ZNF343: variants seen among roughly 807,000 people sequenced by gnomAD.
ZNF343 encodes zinc finger protein 343.
In ZNF343, 11 loss-of-function variants were observed where a neutral mutation model predicts 13.8. The observed-to-expected ratio is 0.80, with a 90% CI of 0.50 to 1.32. The LOEUF (loss-of-function observed/expected upper bound fraction) is 1.32. ZNF343 is among the 40% of genes most tolerant of loss of function. ZNF343 has a pLI of 0.00. For missense variants in ZNF343, 658 were observed against 714.2 expected (o/e 0.92, Z 0.90); for synonymous variants, 248 against 260.0 (o/e 0.95, Z 0.44).
chr20:2,484,806 C>T, intron 5 of ZNF343, 150 bp from the exon 6 acceptor site: 1 of 681,594 alleles, frequency 1.5e-6, no homozygotes, highest in Non-Finnish European at 2.3e-6. Flanking sequence ...GATTCCTTTA[C>T]ATTCCATCAC....
At chr20:2,504,126 G>A (rs1343628867) in intron 1 of ZNF343, among the ~76,000 whole-genome samples, 1 of 152,064 alleles carries the variant, frequency 6.6e-6, no homozygotes, top group Non-Finnish European at 1.5e-5. Context: ...TGATAAAGGG[G>A]ATATCACCAC....
At chr20:2,499,464 CAAAAAAAAAAAAAA>C (rs35155995) in intron 2 of ZNF343, among the ~76,000 whole-genome samples, 2 of 66,538 alleles carry the variant, frequency 3.0e-5, no homozygotes, top group Admixed American at 2.2e-4. Context: ...GACTCCGTCT[CAAAAAAAAAAAAAA>C]AAAAAAAAAA....
At chr20:2,511,083 G>A (rs1232028678), upstream of ZNF343, among the ~76,000 whole-genome samples, 1 of 151,908 alleles carries the variant, frequency 6.6e-6, no homozygotes, top group Non-Finnish European at 1.5e-5. Flanking sequence ...TTTTAAGACT[G>A]GGGGAATCCA....
At position 2,482,271 on chromosome 20, in the gene ZNF343, T is replaced by C. The variant is rs1196764615; in HGVS notation, c.*890A>G. On this transcript the variant is annotated 3_prime_UTR_variant, in exon 6 of 6. Coordinates refer to ENST00000278772, the MANE Select transcript of ZNF343 (RefSeq NM_024325.6). ...CTGGGGCTTACTGCGGGGTGACTCA[T>C]GGCTGAAGCCTTATCTACACTCCTT... 6.6e-6 allele frequency: 1 copy of C among 151,188 alleles called. No homozygotes were observed. The highest frequency in any genetic ancestry group is 2.4e-5 in the African/African-American group (1 of 41,018). 9.4% of individuals were successfully genotyped at this position (151,188 alleles called of 1,614,324 possible).
upstream of ZNF343, among the ~76,000 whole-genome samples, chr20:2,510,826 C>A (rs1301454055): frequency 1.3e-5 from 2 of 152,194 alleles, no homozygotes; most frequent in Admixed American, 6.5e-5. Context: ...ATCTCCCTGA[C>A]TGACCAAAAT....
At position 2,483,849 on chromosome 20, in the gene ZNF343, T is replaced by G. The variant is rs768731063; in HGVS notation, c.1112A>C (p.His371Pro). ...GFSEKSSFIR[H>P]QRTHSGEKPY... ...TTTCTCACCGGAGTGTGTCCTCTGG[T>G]GTCTGATGAAGGATGACTTCTCGCT... The change falls in exon 6 of 6, where the codon CAC becomes CCC. Residue 371 changes from histidine to proline, a missense_variant. By Grantham distance (77) the His-to-Pro change is moderately conservative (BLOSUM62 -2). Transcript: ENST00000278772. 1 of 1,614,108 alleles carries G rather than the reference T, an allele frequency of 6.2e-7. No individual in the cohort carries two copies.
At chr20:2,494,336 C>G (rs564992033) in intron 2 of ZNF343, among the ~76,000 whole-genome samples, 254 of 152,200 alleles carry the variant, frequency 1.7e-3, no homozygotes, top group Non-Finnish European at 3.1e-3. Flanking sequence ...TACCTGAAGC[C>G]TGAGTCAGAG....
chr20:2,484,682 A>C (rs779701191), intron 5 of ZNF343, 26 bp from the exon 6 acceptor site: 2 of 1,555,050 alleles, frequency 1.3e-6, no homozygotes, highest in Admixed American at 3.8e-5. Flanking sequence ...TTTCTGTTAG[A>C]GTAGCCATAA....
At chr20:2,487,259 C>T (rs1350977791) in intron 5 of ZNF343, among the ~76,000 whole-genome samples, 1 of 152,198 alleles carries the variant, frequency 6.6e-6, no homozygotes, top group African/African-American at 2.4e-5. Flanking sequence ...TATTTAAACA[C>T]TAACATGCTC....
chr20:2,493,009 A>T (rs1317094372), intron 4 of ZNF343, 184 bp from the exon 5 acceptor site: 1 of 720,162 alleles, frequency 1.4e-6, no homozygotes, highest in Non-Finnish European at 2.3e-6. Context: ...AAAACCTGTG[A>T]GGAGCATAAC....
rs2085188370 is a variant in ZNF343, at chr20:2,482,860, T to C, written c.*301A>G. On this transcript the variant is annotated 3_prime_UTR_variant, in exon 6 of 6. Coordinates refer to ENST00000278772, the MANE Select transcript of ZNF343 (RefSeq NM_024325.6). Reference sequence around the variant, plus strand: ...CCTGAGGCTGTCATTGGATGTCTGGTAAATGTTGATTATTGCTAAAGCCTT... The same window carrying C: ...CCTGAGGCTGTCATTGGATGTCTGGCAAATGTTGATTATTGCTAAAGCCTT... The C allele has an allele frequency of 5.7e-6, 2 of 353,334 alleles. No homozygotes were observed. The highest frequency in any genetic ancestry group is 4.9e-5 in the East Asian group (1 of 20,578). 21.9% of individuals were successfully genotyped at this position (353,334 alleles called of 1,614,324 possible).
At chr20:2,519,400 G>T (rs920557278) in intron 1 of ZNF343, among the ~76,000 whole-genome samples, 1 of 152,090 alleles carries the variant, frequency 6.6e-6, no homozygotes, top group Non-Finnish European at 1.5e-5. Flanking sequence ...ACTGACTCTG[G>T]ACTTCGCCTT....
At position 2,493,424 on chromosome 20, in the gene ZNF343, C is replaced by T. The variant is rs1600050070; in HGVS notation, c.177+95G>A. 6 of 1,214,152 alleles carry T rather than the reference C, an allele frequency of 4.9e-6. No individual in the cohort carries two copies. The East Asian group carries it at 1.2e-4, about 24-fold the overall frequency. 75.2% of individuals were successfully genotyped at this position (1,214,152 alleles called of 1,614,324 possible). A position where few individuals can be genotyped will look rare whatever the true frequency, so the allele number is the denominator to read the frequency against. Reference sequence around the variant, plus strand: ...CTTCACTCATCTACCCAGATGTTGACCGCCTTTTCCTTTCCCAAGAAAGAG... The same window carrying T: ...CTTCACTCATCTACCCAGATGTTGATCGCCTTTTCCTTTCCCAAGAAAGAG... On this transcript the variant is annotated intron_variant, in intron 4 of 5. Transcript: ENST00000278772.
At chr20:2,503,828 A>G (rs1160450544) in intron 1 of ZNF343, among the ~76,000 whole-genome samples, 1 of 152,198 alleles carries the variant, frequency 6.6e-6, no homozygotes, top group East Asian at 1.9e-4. Flanking sequence ...AGGGAAATTT[A>G]TAGCACTAAA....
upstream of ZNF343, among the ~76,000 whole-genome samples, chr20:2,511,289 T>G (rs2085738196): frequency 6.6e-6 from 1 of 152,032 alleles, no homozygotes; most frequent in African/African-American, 2.4e-5. Flanking sequence ...TTTTAATTTT[T>G]TGTAGAGATG....
intron 5 of ZNF343, among the ~76,000 whole-genome samples, chr20:2,490,756 G>A (rs1422544381): frequency 6.6e-6 from 1 of 152,112 alleles, no homozygotes; most frequent in Non-Finnish European, 1.5e-5. Context: ...TGTATTAACA[G>A]TGGAAGAGAA....
chr20:2,523,468 T>G (rs1017219272), intron 1 of ZNF343, among the ~76,000 whole-genome samples: 1 of 152,148 alleles, frequency 6.6e-6, no homozygotes, highest in Admixed American at 6.5e-5. Flanking sequence ...TTTTCTTTTT[T>G]TTACATTCAG....
upstream of ZNF343, among the ~76,000 whole-genome samples, chr20:2,512,954 G>C (rs2085744836): frequency 3.3e-5 from 5 of 149,600 alleles, no homozygotes; most frequent in Middle Eastern, 3.5e-3. Context: ...CTCAAAAATA[G>C]CTGGGTGTGG....
chr20:2,494,487 G>A (rs773547849), intron 2 of ZNF343, among the ~76,000 whole-genome samples: 2 of 152,020 alleles, frequency 1.3e-5, no homozygotes, highest in African/African-American at 2.4e-5. Context: ...CTTGTGTCTT[G>A]GATGGGCACA....
Sources: allele counts gnomAD v4.1 joint callset (sites outside exome capture counted in the v4.1 genomes callset), GRCh38; gene constraint gnomAD v4.1.1; transcripts MANE v1.5; gene names NCBI Gene and HGNC (gene_info 2026-07-23, HGNC 2026-07-21).